SPAG6: variants seen among roughly 807,000 people sequenced by gnomAD.
SPAG6 encodes sperm-associated antigen 6.
In SPAG6, 49 loss-of-function variants were observed where a neutral mutation model predicts 58.5. The observed-to-expected ratio is 0.84, with a 90% CI of 0.67 to 1.06. The LOEUF is 1.06. Among genes scored for constraint, SPAG6 ranks in the 50% least tolerant of loss-of-function variants. The pLI, the probability that SPAG6 is intolerant of heterozygous loss-of-function variation, is 0.00. For missense variants in SPAG6, 560 were observed against 611.3 expected (o/e 0.92, Z 0.89); for synonymous variants, 233 against 225.6 (o/e 1.03, Z -0.29).
chr10:22,356,866 G>C (rs1003418326), intron 2 of SPAG6, among the ~76,000 whole-genome samples: 10 of 152,138 alleles, frequency 6.6e-5, no homozygotes, highest in Non-Finnish European at 1.2e-4. Flanking sequence ...TAATCAGAGT[G>C]ATCCTTCTTT....
chr10:22,403,792 A>T (rs1411497502), intron 9 of SPAG6, among the ~76,000 whole-genome samples: 54 of 145,252 alleles, frequency 3.7e-4, no homozygotes, highest in Non-Finnish European at 6.9e-4. Context: ...CCTCTCCAGC[A>T]CCTGTTGTTT....
At chr10:22,395,542 T>G (rs1268920868) in intron 8 of SPAG6, among the ~76,000 whole-genome samples, 1 of 152,276 alleles carries the variant, frequency 6.6e-6, no homozygotes, top group Non-Finnish European at 1.5e-5. Context: ...GAGAGATGTC[T>G]ATTCAGACCC....
At chr10:22,411,007 A>G (rs1564382585) in intron 9 of SPAG6, 24 bp from the exon 10 acceptor site, 4 of 1,597,464 alleles carry the variant, frequency 2.5e-6, no homozygotes, top group Non-Finnish European at 2.6e-6. Flanking sequence ...AAAAGCTGAC[A>G]TTTTATGTGC....
intron 8 of SPAG6, among the ~76,000 whole-genome samples, chr10:22,395,159 G>A (rs922687055): frequency 3.9e-5 from 6 of 152,160 alleles, no homozygotes; most frequent in East Asian, 1.9e-4. Flanking sequence ...GCTGATGGAC[G>A]TTGGATTATT....
In SPAG6 at chr10:22,416,697, A is replaced by G. The variant is rs1388570169; in HGVS notation, c.*9A>G. 1.3e-6 allele frequency: 2 copies of G among 1,550,490 alleles called. No homozygotes were observed. The highest frequency in any genetic ancestry group is 1.8e-6 in the Non-Finnish European group (2 of 1,123,270). On this transcript the variant is annotated 3_prime_UTR_variant, in exon 11 of 11. Transcript: ENST00000376624. The stretch of plus-strand genomic sequence containing the variant: ...AACCACTTAATAACTGAGCAAAGTT[A>G]TATTGTGATACTCAAATTCACAGCA...
intron 2 of SPAG6, among the ~76,000 whole-genome samples, chr10:22,354,951 G>A (rs541236420): frequency 2.2e-4 from 33 of 150,316 alleles, no homozygotes; most frequent in South Asian, 1.0e-3. Context: ...TTGAGATCAC[G>A]CCACTGCACT....
chr10:22,347,198 A>G (rs1162436161), intron 2 of SPAG6, among the ~76,000 whole-genome samples: 1 of 152,118 alleles, frequency 6.6e-6, no homozygotes, highest in Admixed American at 6.5e-5. Context: ...GACAACCACT[A>G]ATCTCTTCTC....
At chr10:22,398,904 C>T (rs1344975316) in intron 8 of SPAG6, among the ~76,000 whole-genome samples, 3 of 152,032 alleles carry the variant, frequency 2.0e-5, no homozygotes, top group East Asian at 1.9e-4. Context: ...CCGCAACCTC[C>T]GCCTCCTGGG....
At chr10:22,407,366 G>A (rs1167225801) in intron 9 of SPAG6, among the ~76,000 whole-genome samples, 2 of 151,402 alleles carry the variant, frequency 1.3e-5, no homozygotes, top group African/African-American at 4.9e-5. Flanking sequence ...TTGCTTGTCT[G>A]TAAAGTATTT....
chr10:22,388,570 TAGAG>T (rs773343202), intron 6 of SPAG6, among the ~76,000 whole-genome samples: 18 of 152,140 alleles, frequency 1.2e-4, no homozygotes, highest in Non-Finnish European at 2.1e-4. Flanking sequence ...GGGAAAGAAA[TAGAG>T]AGAAAGCAAG....
chr10:22,388,053 A>G, intron 6 of SPAG6, 57 bp downstream of exon 6: 1 of 1,422,964 alleles, frequency 7.0e-7, no homozygotes, highest in South Asian at 1.3e-5. Flanking sequence ...GTTTTTAAAT[A>G]AAACATCAAT....
intron 9 of SPAG6, among the ~76,000 whole-genome samples, chr10:22,405,532 G>A (rs1345842392): frequency 2.7e-5 from 4 of 148,324 alleles, no homozygotes; most frequent in African/African-American, 5.0e-5. Flanking sequence ...TGCTGGATTC[G>A]GTTTGCCAGT....
At chr10:22,403,413 C>T (rs2130621904) in intron 9 of SPAG6, among the ~76,000 whole-genome samples, 1 of 151,758 alleles carries the variant, frequency 6.6e-6, no homozygotes, top group East Asian at 2.0e-4. Flanking sequence ...CGATAGTTTA[C>T]TGAGAATGAT....
At chr10:22,377,211 G>T (rs1833837226) in intron 4 of SPAG6, among the ~76,000 whole-genome samples, 1 of 152,184 alleles carries the variant, frequency 6.6e-6, no homozygotes, top group Admixed American at 6.5e-5. Flanking sequence ...CAGCCAGCAA[G>T]GAATGGAGGC....
At chr10:22,351,809 C>T (rs1009988381) in intron 2 of SPAG6, among the ~76,000 whole-genome samples, 1 of 152,114 alleles carries the variant, frequency 6.6e-6, no homozygotes, top group Non-Finnish European at 1.5e-5. Context: ...TTGATTTTCC[C>T]ATATGATCCA....
chr10:22,397,703 A>C (rs577572604), intron 8 of SPAG6, among the ~76,000 whole-genome samples: 84 of 152,322 alleles, frequency 5.5e-4, no homozygotes, highest in African/African-American at 1.9e-3. Context: ...ATCAAGCATT[A>C]AATACATATA....
chr10:22,346,873 A>C, intron 2 of SPAG6, among the ~76,000 whole-genome samples: 1 of 152,328 alleles, frequency 6.6e-6, no homozygotes, highest in Admixed American at 6.5e-5. Flanking sequence ...GTTTGAAATA[A>C]TTGTAGATTC....
Position 22,360,972 on chromosome 10 carries a change from G to T in SPAG6, c.122-3881G>T, listed in dbSNP as rs144068204. On this transcript the variant is annotated intron_variant, in intron 2 of 10. Coordinates refer to ENST00000376624, the MANE Select transcript of SPAG6 (RefSeq NM_012443.4). Reference sequence around the variant, plus strand: ...TTATCTGTAGTTTTAAGAGAAACTTGTAGTTAGAATAACAAAGTCTCCATG... The same window carrying T: ...TTATCTGTAGTTTTAAGAGAAACTTTTAGTTAGAATAACAAAGTCTCCATG... The T allele has an allele frequency of 5.3e-3, 3,654 of 685,218 alleles. 23 individuals carry two copies. The highest frequency in any genetic ancestry group is 7.0e-3 in the Non-Finnish European group (2,737 of 392,186). 42.4% of individuals were successfully genotyped at this position (685,218 alleles called of 1,614,324 possible). A position where few individuals can be genotyped will look rare whatever the true frequency, so the allele number is the denominator to read the frequency against.
At chr10:22,408,609 C>A (rs961395107) in intron 9 of SPAG6, among the ~76,000 whole-genome samples, 36 of 152,022 alleles carry the variant, frequency 2.4e-4, no homozygotes, top group Admixed American at 1.7e-3. Flanking sequence ...GCCCTGCCCC[C>A]AGAGGTGGAG....
Sources: allele counts gnomAD v4.1 joint callset (sites outside exome capture counted in the v4.1 genomes callset), GRCh38; gene constraint gnomAD v4.1.1; transcripts MANE v1.5; gene names NCBI Gene and HGNC (gene_info 2026-07-23, HGNC 2026-07-21).